The following TTC6 variants were observed in gnomAD, a reference collection of about 807,000 sequenced individuals.
TTC6 encodes tetratricopeptide repeat domain 6.
Under a neutral mutation model 210.4 loss-of-function variants are expected in TTC6, and 172 were observed. The observed-to-expected ratio is 0.82, with a 90% CI of 0.72 to 0.93. The LOEUF (loss-of-function observed/expected upper bound fraction) is 0.93. Among genes scored for constraint, TTC6 ranks in the 40% least tolerant of loss-of-function variants. TTC6 has a pLI of 0.00. For missense variants in TTC6, 2,414 were observed against 2,318.1 expected (o/e 1.04, Z -0.85); for synonymous variants, 804 against 819.6 (o/e 0.98, Z 0.32).
At chr14:37,779,343 CTG>C (rs2096047612) in intron 14 of TTC6, among the ~76,000 whole-genome samples, 1 of 151,046 alleles carries the variant, frequency 6.6e-6, no homozygotes, top group African/African-American at 2.4e-5. Flanking sequence ...TTCCTCCTGT[CTG>C]TGACTAGTTG....
exon 10 of TTC6, chr14:37,738,937 C>T: frequency 2.0e-6 from 3 of 1,535,430 alleles, no homozygotes; most frequent in Middle Eastern, 1.7e-4. Context: ...AGGAGCCCAA[C>T]TATGTGAAAG....
intron 14 of TTC6, among the ~76,000 whole-genome samples, chr14:37,786,704 T>C (rs559321201): frequency 4.6e-5 from 7 of 152,326 alleles, no homozygotes; most frequent in African/African-American, 1.7e-4. Flanking sequence ...GAATCACCCG[T>C]CTTCTGCATC....
At chr14:37,801,936 C>A (rs4325461) in intron 20 of TTC6, among the ~76,000 whole-genome samples, 1 of 152,226 alleles carries the variant, frequency 6.6e-6, no homozygotes, top group East Asian at 1.9e-4. Context: ...TACAAAGATA[C>A]ATGCATGTGT....
intron 29 of TTC6, among the ~76,000 whole-genome samples, chr14:37,838,767 G>A (rs2096203528): frequency 6.6e-6 from 1 of 151,982 alleles, no homozygotes; most frequent in African/African-American, 2.4e-5. Context: ...GTGCCATGTG[G>A]GTTTGCTACA....
intron 14 of TTC6, 143 bp downstream of exon 16, chr14:37,753,378 C>T: frequency 1.4e-6 from 1 of 695,278 alleles, no homozygotes. Context: ...ATGAAAAATC[C>T]TTGCTTACAC....
intron 1 of TTC6, among the ~76,000 whole-genome samples, chr14:37,661,442 CTTGTTT>C (rs2095737189): frequency 6.6e-6 from 1 of 152,088 alleles, no homozygotes; most frequent in East Asian, 1.9e-4. Context: ...TTTCTCATTG[CTTGTTT>C]TTGTAAGGTT....
At chr14:37,793,289 A>G (rs141467093) in intron 17 of TTC6, among the ~76,000 whole-genome samples, 152 of 152,306 alleles carry the variant, frequency 1.0e-3, no homozygotes, top group Middle Eastern at 3.4e-3. Context: ...TTGCCTTTCT[A>G]CCTTTGTCTC....
At chr14:37,841,950 G>A (rs964249044) in intron 30 of TTC6, among the ~76,000 whole-genome samples, 8 of 152,118 alleles carry the variant, frequency 5.3e-5, no homozygotes, top group African/African-American at 1.7e-4. Context: ...CCCCAAGTTA[G>A]TTTGCTTAGA....
chr14:37,677,858 T>C (rs766195173), intron 1 of TTC6, among the ~76,000 whole-genome samples: 2 of 152,158 alleles, frequency 1.3e-5, no homozygotes, highest in Non-Finnish European at 2.9e-5. Context: ...TGATGTATGT[T>C]CTATCTATAG....
chr14:37,649,129 C>T (rs2095706732), intron 1 of TTC6, among the ~76,000 whole-genome samples: 5 of 152,146 alleles, frequency 3.3e-5, no homozygotes, highest in Admixed American at 3.3e-4. Context: ...ACACAGGTCC[C>T]TTCTAAATTG....
chr14:37,779,520 A>G lies in TTC6; in HGVS notation c.3267-7948A>G, dbSNP rs2096048193. Among the ~76,000 whole-genome samples the G allele has an allele frequency of 1.3e-5, 2 of 152,200 alleles. 1 individual carries two copies. Among genetic ancestry groups the G allele is most frequent in the South Asian group, 4.1e-4 (2 of 4,832 alleles). ...AAAATTGGTCTCTATAGTGACTACTATATTTCAGCATTTGACTACTTTTTA... is the reference window on the plus strand; with the variant it reads ...AAAATTGGTCTCTATAGTGACTACTGTATTTCAGCATTTGACTACTTTTTA... On this transcript the variant is annotated intron_variant, in intron 14 of 30. Transcript: ENST00000553443.
At position 37,598,455 on chromosome 14, in the gene TTC6, C is replaced by T. The variant is rs2095608828; in HGVS notation, c.-235+2447C>T. Among the ~76,000 whole-genome samples the T allele has an allele frequency of 6.6e-6, 1 of 152,212 alleles. No individual in the cohort carries two copies. Among genetic ancestry groups the T allele is most frequent in the South Asian group, 2.1e-4 (1 of 4,832 alleles). ...GCGGAGGAAGCGGCTCCGCCCTTCCCGGAAGCTGCCCTTGCTACACCCGTG... is the reference window on the plus strand; with the variant it reads ...GCGGAGGAAGCGGCTCCGCCCTTCCTGGAAGCTGCCCTTGCTACACCCGTG... On this transcript the variant is annotated intron_variant, in intron 1 of 2. Transcript: ENST00000556845. This position sits in a 1 kb window ranked among gnomAD's most constrained non-coding sequence, Gnocchi z 4.9.
At chr14:37,792,765 A>G (rs2096083037) in intron 17 of TTC6, among the ~76,000 whole-genome samples, 1 of 144,632 alleles carries the variant, frequency 6.9e-6, no homozygotes, top group African/African-American at 2.7e-5. Context: ...ATTTGAGTCT[A>G]TGGTCCAATG....
rs74525513 is a variant in TTC6 at position 37,648,568 on chromosome 14, A to G, written c.939+25565A>G. Among the ~76,000 whole-genome samples the G allele has an allele frequency of 2.1e-3, 313 of 152,014 alleles. 1 individual carries two copies. The highest frequency in any genetic ancestry group is 6.9e-3 in the African/African-American group (286 of 41,454). ...TATCAAGATTGTACTATCTATCCTC[A>G]TATGTTGGATGTCTGATTTCTTTTT... On this transcript the variant is annotated intron_variant, in intron 1 of 30. Coordinates refer to ENST00000553443, the Ensembl canonical transcript of TTC6.
chr14:37,823,888 C>G, exon 27 of TTC6: 20 of 1,613,998 alleles, frequency 1.2e-5, no homozygotes, highest in Non-Finnish European at 1.6e-5. Flanking sequence ...CACAGAAAGA[C>G]TTTCTGAAAG....
At chr14:37,670,760 T>C (rs989208640) in intron 1 of TTC6, among the ~76,000 whole-genome samples, 4 of 151,886 alleles carry the variant, frequency 2.6e-5, no homozygotes, top group African/African-American at 9.7e-5. Context: ...TGTGAGCCAC[T>C]GTGCTGAGCC....
Position 37,698,304 on chromosome 14 carries a change from A to G in TTC6, c.1376+1469A>G, listed in dbSNP as rs114469446. The stretch of plus-strand genomic sequence containing the variant: ...TTGCAGCATATTGTTATTTAGGTAA[A>G]TAACCAAGGGAAATTTATTTGCTTA... On this transcript the variant is annotated intron_variant, in intron 4 of 30. Coordinates refer to ENST00000553443, the Ensembl canonical transcript of TTC6. Among the ~76,000 whole-genome samples, 365 of 152,280 alleles carry G rather than the reference A, an allele frequency of 2.4e-3. 1 individual carries two copies. The highest frequency in any genetic ancestry group is 7.8e-3 in the African/African-American group (326 of 41,572).
intron 10 of TTC6, among the ~76,000 whole-genome samples, chr14:37,740,162 CA>C (rs71127237): frequency 7.7e-5 from 10 of 129,580 alleles, no homozygotes; most frequent in African/African-American, 2.0e-4. Context: ...GACTCCGTCT[CA>C]AAAAAAAAAA....
intron 14 of TTC6, among the ~76,000 whole-genome samples, chr14:37,771,714 T>G (rs2096019531): frequency 6.6e-6 from 1 of 152,182 alleles, no homozygotes; most frequent in Admixed American, 6.5e-5. Flanking sequence ...TCCAAATTTT[T>G]TTCAAAGTTT....
Sources: gnomAD v4.1 joint callset for allele counts (sites outside exome capture counted in the v4.1 genomes callset) on GRCh38, gnomAD v4.1.1 for gene constraint, Gnocchi (gnomAD v3.1) non-coding constraint, MANE v1.5 for transcripts, NCBI Gene and HGNC (gene_info 2026-07-23, HGNC 2026-07-21) for gene names.